Variants in DKK2 observed in about 807,000 individuals in gnomAD.
DKK2 encodes dickkopf-related protein 2.
A neutral mutation model predicts 28.1 loss-of-function variants in DKK2; 11 were observed. The observed-to-expected ratio is 0.39, with a 90% CI of 0.25 to 0.65. The LOEUF (loss-of-function observed/expected upper bound fraction) is 0.65. DKK2 is among the 30% of genes least tolerant of loss of function. The pLI is 0.47. For synonymous variants in DKK2, 135 were observed against 126.5 expected, an observed-to-expected ratio of 1.07 and a Z score of -0.45; for missense variants, 326 against 335.5, an observed-to-expected ratio of 0.97 and a Z score of 0.22.
intron 1 of DKK2, among the ~76,000 whole-genome samples, chr4:106,942,210 G>A (rs1005113560): frequency 3.3e-5 from 5 of 152,050 alleles, no homozygotes; most frequent in African/African-American, 7.2e-5. Flanking sequence ...CATACACAAC[G>A]TGTTAGTAAT....
chr4:106,962,546 TGTGTGTGA>T (rs1442700038), intron 1 of DKK2, among the ~76,000 whole-genome samples: 27 of 125,766 alleles, frequency 2.1e-4, no homozygotes, highest in Non-Finnish European at 3.6e-4. Context: ...TGTGTGTGTG[TGTGTGTGA>T]ATGCAGAAGA....
chr4:106,998,150 C>G lies in DKK2; in HGVS notation c.222+37220G>C, dbSNP rs1723302732. Among the ~76,000 whole-genome samples, 4 of 152,246 alleles carry G rather than the reference C, an allele frequency of 2.6e-5. No individual in the cohort carries two copies. The East Asian group carries it at 7.7e-4, about 29-fold the overall frequency. ...GCATGGAGGGCTTGAAATATCCAAGCAAAGGGACTTTTTCTTCTCAGTTGC... is the reference window on the plus strand; with the variant it reads ...GCATGGAGGGCTTGAAATATCCAAGGAAAGGGACTTTTTCTTCTCAGTTGC... On this transcript the variant is annotated intron_variant, in intron 1 of 3. Transcript: ENST00000285311.
At chr4:106,967,178 A>G (rs1256187389) in intron 1 of DKK2, among the ~76,000 whole-genome samples, 1 of 152,124 alleles carries the variant, frequency 6.6e-6, no homozygotes, top group Non-Finnish European at 1.5e-5. Context: ...AAGTGGTGGG[A>G]GAAGACAAAC....
chr4:106,968,791 G>A (rs553861197), intron 1 of DKK2, among the ~76,000 whole-genome samples: 2 of 152,216 alleles, frequency 1.3e-5, no homozygotes, highest in East Asian at 3.9e-4. Context: ...GTGGCTGAGA[G>A]AAAATTAAAG....
chr4:107,026,456 T>G (rs1460932469), intron 1 of DKK2, among the ~76,000 whole-genome samples: 1 of 152,192 alleles, frequency 6.6e-6, no homozygotes, highest in African/African-American at 2.4e-5. Context: ...TGAGCTTAAG[T>G]CATAGTTACT....
intron 1 of DKK2, among the ~76,000 whole-genome samples, chr4:107,033,277 ACTG>A (rs1235359927): frequency 1.3e-5 from 2 of 152,168 alleles, no homozygotes; most frequent in Non-Finnish European, 1.5e-5. Context: ...ATTCCATAGA[ACTG>A]CTATGTTATG....
intron 1 of DKK2, among the ~76,000 whole-genome samples, chr4:106,936,090 C>T (rs1724583181): frequency 1.3e-5 from 2 of 152,130 alleles, no homozygotes; most frequent in South Asian, 2.1e-4. Context: ...CAGTTCCTCA[C>T]CAGCAATGGA....
chr4:106,982,106 G>A (rs562314785), intron 1 of DKK2, among the ~76,000 whole-genome samples: 1 of 152,242 alleles, frequency 6.6e-6, no homozygotes, highest in South Asian at 2.1e-4. Flanking sequence ...GTATTTCAAT[G>A]TATGACAAGG....
chr4:106,969,476 T>G (rs1722831398), intron 1 of DKK2, among the ~76,000 whole-genome samples: 1 of 151,894 alleles, frequency 6.6e-6, no homozygotes, highest in Non-Finnish European at 1.5e-5. Context: ...AAAAAAAAAT[T>G]TACTCTGAAA....
intron 1 of DKK2, among the ~76,000 whole-genome samples, chr4:106,974,919 A>T (rs546472801): frequency 6.6e-6 from 1 of 152,322 alleles, no homozygotes; most frequent in East Asian, 1.9e-4. Context: ...ACGTTCCATC[A>T]ATAACTAGTT....
At position 107,035,356 on chromosome 4, in the gene DKK2, G is replaced by A. The variant is rs575841439; in HGVS notation, c.222+14C>T. On this transcript the variant is annotated intron_variant, in intron 1 of 3. Coordinates refer to ENST00000285311, the MANE Select transcript of DKK2 (RefSeq NM_014421.3). Reference sequence around the variant, plus strand: ...CCTCTTCTGTCTGAAGAATGTGTTTGGGGGTTTTCCTACCTGCCCCAGGTT... The same window carrying A: ...CCTCTTCTGTCTGAAGAATGTGTTTAGGGGTTTTCCTACCTGCCCCAGGTT... The A allele has an allele frequency of 6.2e-7, 1 of 1,613,790 alleles. No homozygotes were observed. The highest frequency in any genetic ancestry group is 1.3e-5 in the African/African-American group (1 of 75,052).
intron 1 of DKK2, among the ~76,000 whole-genome samples, chr4:106,996,628 C>T (rs1272844124): frequency 6.6e-6 from 1 of 152,130 alleles, no homozygotes; most frequent in Non-Finnish European, 1.5e-5. Context: ...ATAGTTCCCT[C>T]GGTGATCTGT....
chr4:107,010,813 T>C (rs1200527843), intron 1 of DKK2, among the ~76,000 whole-genome samples: 2 of 151,322 alleles, frequency 1.3e-5, no homozygotes, highest in African/African-American at 4.8e-5. Flanking sequence ...ATTTGTTGTA[T>C]CTATCAATAG....
chr4:107,002,018 C>T (rs1161427318), intron 1 of DKK2, among the ~76,000 whole-genome samples: 1 of 152,134 alleles, frequency 6.6e-6, no homozygotes, highest in Non-Finnish European at 1.5e-5. Context: ...TACATCCACC[C>T]AATCAAAGTT....
At position 106,922,036 on chromosome 4, in the gene DKK2, G is replaced by T. The variant is rs1368627816; in HGVS notation, c.*1918C>A. On this transcript the variant is annotated 3_prime_UTR_variant, in exon 4 of 4. Transcript: ENST00000285311. ...AAACCAAATTGTAAATATAATAATTGTTATATAGGAAATGTTTGATTGAAA... is the reference window on the plus strand; with the variant it reads ...AAACCAAATTGTAAATATAATAATTTTTATATAGGAAATGTTTGATTGAAA... The T allele has an allele frequency of 2.0e-5, 3 of 152,462 alleles. No homozygotes were observed. Among genetic ancestry groups the T allele is most frequent in the African/African-American group, 7.2e-5 (3 of 41,414 alleles). The allele number at this position is 152,462 out of a possible 1,614,324, so 9.4% of individuals were successfully genotyped here. A position where few individuals can be genotyped will look rare whatever the true frequency, so the allele number is the denominator to read the frequency against.
rs542450504 is a variant in DKK2, at chr4:106,962,491, A to G, written c.223-36542T>C. On this transcript the variant is annotated intron_variant, in intron 1 of 3. Transcript: ENST00000285311. ...TTCAAGAAATGGAGCCAGAAAAACTATGTGTGTGTGTGTGTGTGTGTGTGT... is the reference window on the plus strand; with the variant it reads ...TTCAAGAAATGGAGCCAGAAAAACTGTGTGTGTGTGTGTGTGTGTGTGTGT... 8.3e-4 allele frequency among the ~76,000 whole-genome samples: 98 copies of G among 117,696 alleles called. 2 individuals carry two copies. Among genetic ancestry groups the G allele is most frequent in the East Asian group, 2.7e-3 (9 of 3,384 alleles). 77.2% of individuals were successfully genotyped at this position (117,696 alleles called of 152,430 possible). A position where few individuals can be genotyped will look rare whatever the true frequency, so the allele number is the denominator to read the frequency against.
chr4:106,955,077 A>C (rs1722570160), intron 1 of DKK2, among the ~76,000 whole-genome samples: 1 of 152,156 alleles, frequency 6.6e-6, no homozygotes, highest in Admixed American at 6.5e-5. Flanking sequence ...TGGGAATTTG[A>C]TTTATTCATA....
intron 1 of DKK2, among the ~76,000 whole-genome samples, chr4:106,939,971 C>A (rs1467294542): frequency 1.2e-4 from 18 of 152,206 alleles, no homozygotes; most frequent in African/African-American, 3.6e-4. Flanking sequence ...AGATGGATTA[C>A]AGACTTAAAC....
chr4:106,959,801 C>T (rs911970192), intron 1 of DKK2, among the ~76,000 whole-genome samples: 8 of 151,980 alleles, frequency 5.3e-5, no homozygotes, highest in Admixed American at 2.0e-4. Flanking sequence ...TGCCTTTCCT[C>T]CCTTGGGGTG....
Sources: gnomAD v4.1 joint callset for allele counts (sites outside exome capture counted in the v4.1 genomes callset) on GRCh38, gnomAD v4.1.1 for gene constraint, MANE v1.5 for transcripts, NCBI Gene and HGNC (gene_info 2026-07-23, HGNC 2026-07-21) for gene names.